The following CDKN2B-AS1 variants were observed in gnomAD, a reference collection of about 807,000 sequenced individuals.
The protein encoded by CDKN2B-AS1 is CDKN2B and CDKN2A antisense cis and trans regulatory RNA 1, also known as CDKN2B antisense RNA 1 (non-protein coding).
intron 4 of CDKN2B-AS1, among the ~76,000 whole-genome samples, chr9:22,114,006 C>T (rs948008957): frequency 3.9e-5 from 6 of 152,218 alleles, no homozygotes; most frequent in Admixed American, 2.6e-4. Flanking sequence ...AATGAAAATA[C>T]GTCGAGTCCT....
rs577867944 is a variant in CDKN2B-AS1 at position 21,998,200 on chromosome 9, T to C, written n.29+3039T>C. 1.6e-4 allele frequency among the ~76,000 whole-genome samples: 24 copies of C among 152,284 alleles called. 1 individual carries two copies. Among genetic ancestry groups the C allele is most frequent in the Admixed American group, 1.4e-3 (22 of 15,296 alleles). On this transcript the variant is annotated intron_variant and non_coding_transcript_variant, in intron 1 of 4. Coordinates refer to ENST00000650946, the Ensembl canonical transcript of CDKN2B-AS1. The stretch of plus-strand genomic sequence containing the variant: ...TAATATTAGTCTCAGCAAAATACAA[T>C]GGTGAAGATGACTCTTTCTAGCATA...
chr9:22,024,707 C>T (rs944239016), intron 1 of CDKN2B-AS1, among the ~76,000 whole-genome samples: 15 of 152,182 alleles, frequency 9.9e-5, no homozygotes, highest in Admixed American at 9.8e-4. Context: ...AGTGGGGCAA[C>T]TAAAGCAAAT....
intron 4 of CDKN2B-AS1, among the ~76,000 whole-genome samples, chr9:22,062,432 G>T (rs1823858402): frequency 6.6e-6 from 1 of 152,176 alleles, no homozygotes; most frequent in African/African-American, 2.4e-5. Flanking sequence ...TGTTTTATCT[G>T]AGGAAAATTT....
At chr9:22,084,309 T>A (rs566156202) in intron 4 of CDKN2B-AS1, among the ~76,000 whole-genome samples, 1 of 152,330 alleles carries the variant, frequency 6.6e-6, no homozygotes, top group South Asian at 2.1e-4. Flanking sequence ...CTATATTACC[T>A]TCGTAAAAGA....
intron 1 of CDKN2B-AS1, among the ~76,000 whole-genome samples, chr9:22,015,118 T>C (rs892600441): frequency 6.6e-6 from 1 of 152,070 alleles, no homozygotes; most frequent in African/African-American, 2.4e-5. Context: ...CCTTTGGGTA[T>C]ATACCCAGTA....
chr9:22,054,701 AT>A (rs1242361856), intron 3 of CDKN2B-AS1, among the ~76,000 whole-genome samples: 5 of 149,122 alleles, frequency 3.4e-5, no homozygotes, highest in Admixed American at 6.6e-5. Flanking sequence ...TTTTTTATTT[AT>A]TTTTTTAAAT....
At chr9:22,070,027 T>A (rs1824227346) in intron 4 of CDKN2B-AS1, among the ~76,000 whole-genome samples, 1 of 152,170 alleles carries the variant, frequency 6.6e-6, no homozygotes, top group African/African-American at 2.4e-5. Flanking sequence ...GATTTAATGG[T>A]GGTAAATCTC....
chr9:22,060,990 G>T (rs530060363), intron 4 of CDKN2B-AS1, among the ~76,000 whole-genome samples: 2 of 152,258 alleles, frequency 1.3e-5, no homozygotes, highest in South Asian at 4.1e-4. Context: ...TTGAGATTTG[G>T]TAGGGACACA....
At chr9:22,098,726 A>G (rs551508434) in intron 4 of CDKN2B-AS1, among the ~76,000 whole-genome samples, 2 of 152,214 alleles carry the variant, frequency 1.3e-5, no homozygotes, top group Non-Finnish European at 2.9e-5. Flanking sequence ...TAGAAACATT[A>G]ACTGGCCAAA....
chr9:22,009,367 C>T (rs1821379794), intron 1 of CDKN2B-AS1: 1 of 353,322 alleles, frequency 2.8e-6, no homozygotes, highest in African/African-American at 2.1e-5. Context: ...GTCTCCCCAC[C>T]CCCTTAGGCT....
At chr9:22,020,499 G>A (rs772150085) in intron 1 of CDKN2B-AS1, among the ~76,000 whole-genome samples, 1 of 152,128 alleles carries the variant, frequency 6.6e-6, no homozygotes, top group Non-Finnish European at 1.5e-5. Flanking sequence ...CACCAGCAGA[G>A]TCTAAGTGTT....
intron 4 of CDKN2B-AS1, among the ~76,000 whole-genome samples, chr9:22,069,353 G>A (rs926557126): frequency 4.5e-5 from 3 of 66,170 alleles, no homozygotes; most frequent in African/African-American, 1.9e-4. Flanking sequence ...TTTTTTTCTC[G>A]AATAACCACT....
intron 4 of CDKN2B-AS1, among the ~76,000 whole-genome samples, chr9:22,092,909 T>A (rs57327575): frequency 1.3e-3 from 197 of 152,302 alleles, no homozygotes; most frequent in African/African-American, 4.6e-3. Context: ...CTTTTAATTG[T>A]GATGTTAGGG....
rs7029531 is a variant in CDKN2B-AS1, at chr9:22,036,171, G to C, written n.30-10580G>C. On this transcript the variant is annotated intron_variant and non_coding_transcript_variant, in intron 1 of 4. Transcript: ENST00000650946. ...GAATCCATTTAATAATAAAACGTGG[G>C]TCAAAATTCACTTTTCTCCTTTTGA... Among the ~76,000 whole-genome samples the C allele has an allele frequency of 1.7e-3, 253 of 152,210 alleles. 5 individuals carry two copies. The highest frequency in any genetic ancestry group is 5.8e-3 in the African/African-American group (243 of 41,540).
In CDKN2B-AS1 at chr9:21,999,275, A is replaced by G. The variant is rs1031415954; in HGVS notation, n.29+4114A>G. 2.6e-5 allele frequency among the ~76,000 whole-genome samples: 4 copies of G among 151,744 alleles called. No homozygotes were observed. The highest frequency in any genetic ancestry group is 4.4e-5 in the Non-Finnish European group (3 of 67,904). ...TAAGTATGTAAAGACACACACAAAT[A>G]ATGTATGGAAATATATATACACATA... On this transcript the variant is annotated intron_variant and non_coding_transcript_variant, in intron 1 of 4. Transcript: ENST00000650946. The surrounding 1 kb of genome is among the most constrained non-coding windows in gnomAD (Gnocchi z 4.7).
chr9:22,126,665 G>T (rs555929989), intron 4 of CDKN2B-AS1, among the ~76,000 whole-genome samples: 7 of 136,242 alleles, frequency 5.1e-5, no homozygotes, highest in African/African-American at 1.7e-4. Context: ...CTCCGCCTCC[G>T]GAGTTCACGC....
intron 1 of CDKN2B-AS1, among the ~76,000 whole-genome samples, chr9:22,032,494 G>A (rs555911740): frequency 8.7e-4 from 133 of 152,266 alleles, no homozygotes; most frequent in Non-Finnish European, 1.1e-3. Context: ...TGCCTGAGGT[G>A]CATCTGTAGA....
intron 4 of CDKN2B-AS1, among the ~76,000 whole-genome samples, chr9:22,060,448 C>G (rs1280782547): frequency 1.3e-5 from 2 of 152,210 alleles, no homozygotes; most frequent in Non-Finnish European, 2.9e-5. Flanking sequence ...ACCACCTCAG[C>G]CTGGATTTTA....
intron 4 of CDKN2B-AS1, among the ~76,000 whole-genome samples, chr9:22,116,487 T>C (rs916363293): frequency 1.3e-5 from 2 of 152,168 alleles, no homozygotes; most frequent in African/African-American, 4.8e-5. Context: ...CTATAACTAC[T>C]GGGATGAAAA....
Sources: allele counts gnomAD v4.1 joint callset (sites outside exome capture counted in the v4.1 genomes callset), GRCh38; gene constraint gnomAD v4.1.1; non-coding constraint Gnocchi (gnomAD v3.1); transcripts MANE v1.5; gene names NCBI Gene and HGNC (gene_info 2026-07-23, HGNC 2026-07-21).